The following ELAC1 variants were observed in gnomAD, a reference collection of about 807,000 sequenced individuals.
ELAC1 encodes the protein elaC ribonuclease Z 1, also known as zinc phosphodiesterase ELAC protein 1.
A neutral mutation model predicts 25.8 loss-of-function variants in ELAC1; 19 were observed. The observed-to-expected ratio is 0.74, with a 90% CI of 0.51 to 1.08. ELAC1 has a LOEUF of 1.08. Ranked by LOEUF, ELAC1 falls within the 50% of genes least tolerant of loss-of-function variation. The pLI is 0.00. For synonymous variants in ELAC1, 148 were observed against 160.9 expected (o/e 0.92, Z 0.61); for missense variants, 403 against 434.6 (o/e 0.93, Z 0.65).
chr18:50,981,521 T>A (rs916620808), intron 2 of ELAC1, among the ~76,000 whole-genome samples: 4 of 152,206 alleles, frequency 2.6e-5, no homozygotes, highest in African/African-American at 9.6e-5. Context: ...TATTCCCCCA[T>A]AACTTCCTTG....
At chr18:50,980,465 T>C (rs1907914989) in intron 2 of ELAC1, among the ~76,000 whole-genome samples, 2 of 151,546 alleles carry the variant, frequency 1.3e-5, no homozygotes. Flanking sequence ...TCTATACGCT[T>C]AGAAAAAAAA....
chr18:50,981,781 A>C (rs562225164), intron 2 of ELAC1, among the ~76,000 whole-genome samples: 75 of 151,846 alleles, frequency 4.9e-4, no homozygotes, highest in African/African-American at 1.5e-3. Context: ...AAGGGCCCAG[A>C]AAGTCAGATA....
intron 2 of ELAC1, among the ~76,000 whole-genome samples, chr18:50,975,461 T>G (rs1907776884): frequency 6.6e-6 from 1 of 151,714 alleles, no homozygotes; most frequent in African/African-American, 2.4e-5. Flanking sequence ...TTAGTTTGTT[T>G]CTGTGTTCTT....
intron 1 of ELAC1, among the ~76,000 whole-genome samples, chr18:50,971,366 A>G (rs1252316951): frequency 2.0e-5 from 3 of 152,112 alleles, no homozygotes; most frequent in Non-Finnish European, 4.4e-5. Context: ...TTTGCCTGCC[A>G]GCTGATGTGT....
chr18:50,974,543 A>G lies in ELAC1; in HGVS notation c.139A>G (p.Lys47Glu). Residue 47 changes from lysine (K) to glutamate (E), a missense_variant, in exon 2 of 4, where the codon AAA (lysine) becomes GAA (glutamate). Coordinates refer to ENST00000269466, the MANE Select transcript of ELAC1 (RefSeq NM_018696.3). Reference sequence around the variant, plus strand: ...GGAGGGAACACAGACACAGCTTATGAAAAGCCAACTTAAAGCAGGTTAGTG... The same window carrying G: ...GGAGGGAACACAGACACAGCTTATGGAAAGCCAACTTAAAGCAGGTTAGTG... The part of the protein sequence containing the change: ...CGEGTQTQLM[K>E]SQLKAGRITK... 4 of 1,613,992 alleles carry G rather than the reference A, an allele frequency of 2.5e-6. No individual in the cohort carries two copies. Among genetic ancestry groups the G allele is most frequent in the Non-Finnish European group, 2.5e-6 (3 of 1,179,966 alleles).
chr18:50,977,984 A>G (rs1395515912), intron 2 of ELAC1, among the ~76,000 whole-genome samples: 2 of 152,230 alleles, frequency 1.3e-5, no homozygotes, highest in Admixed American at 6.5e-5. Flanking sequence ...TCTTTGCTAA[A>G]GCATAGCAAG....
intron 3 of ELAC1, 136 bp from the exon 4 acceptor site, chr18:50,986,483 T>G: frequency 4.2e-6 from 3 of 710,014 alleles, no homozygotes; most frequent in Non-Finnish European, 6.8e-6. Context: ...TAAATCCAGT[T>G]TTCCACAAGT....
intron 2 of ELAC1, among the ~76,000 whole-genome samples, chr18:50,983,390 C>A (rs1377424838): frequency 4.6e-5 from 7 of 151,838 alleles, no homozygotes; most frequent in Non-Finnish European, 8.8e-5. Context: ...GTCTCGAACT[C>A]CCGACCTCAG....
At chr18:50,971,912 G>GTGTA (rs1368489485) in intron 1 of ELAC1, among the ~76,000 whole-genome samples, 95 of 76,524 alleles carry the variant, frequency 1.2e-3, no homozygotes, top group Middle Eastern at 6.8e-3. Context: ...GTGTGTGTGT[G>GTGTA]TATATATATA....
intron 3 of ELAC1, 172 bp downstream of exon 3, chr18:50,984,735 C>G (rs1908055072): frequency 4.9e-6 from 3 of 606,990 alleles, no homozygotes; most frequent in Admixed American, 5.9e-5. Flanking sequence ...AGTTCAAGAC[C>G]AGCCTGGGCA....
chr18:50,978,890 G>A (rs1346255101), intron 2 of ELAC1, among the ~76,000 whole-genome samples: 2 of 152,156 alleles, frequency 1.3e-5, no homozygotes, highest in Non-Finnish European at 1.5e-5. Flanking sequence ...CATATGGTAG[G>A]TACAATTGAA....
intron 2 of ELAC1, among the ~76,000 whole-genome samples, chr18:50,978,107 C>G (rs1907842525): frequency 6.6e-6 from 1 of 152,216 alleles, no homozygotes; most frequent in African/African-American, 2.4e-5. Context: ...CCCATGTCTT[C>G]CTGTCTTCTG....
chr18:50,973,476 G>A (rs557650711), intron 1 of ELAC1, among the ~76,000 whole-genome samples: 4 of 152,292 alleles, frequency 2.6e-5, no homozygotes, highest in African/African-American at 9.6e-5. Flanking sequence ...CCAAGTCCTC[G>A]TGAGTCATGG....
intron 1 of ELAC1, among the ~76,000 whole-genome samples, chr18:50,970,883 A>G (rs1270572088): frequency 1.3e-5 from 2 of 151,816 alleles, no homozygotes; most frequent in African/African-American, 4.8e-5. Context: ...CCCACATCAG[A>G]CTTTCTCTGT....
intron 1 of ELAC1, among the ~76,000 whole-genome samples, chr18:50,970,154 C>T (rs1907613605): frequency 6.6e-6 from 1 of 152,032 alleles, no homozygotes; most frequent in Admixed American, 6.6e-5. Context: ...AGAGTCTTGC[C>T]ATGTTCCCCA....
intron 1 of ELAC1, chr18:50,969,084 T>C (rs557844761): frequency 2.6e-5 from 4 of 152,226 alleles, no homozygotes; most frequent in Non-Finnish European, 5.9e-5. Context: ...CCATTATCAG[T>C]GTACTTAGCA....
In ELAC1 at chr18:50,974,397, G is replaced by A; in HGVS notation, c.-8G>A. On this transcript the variant is annotated splice_region_variant and 5_prime_UTR_variant, in exon 2 of 4. Transcript: ENST00000269466. ...TCCCCAGATGATCTTTCTGTTGCAG[G>A]GTGGAAGATGTCTATGGATGTGACA... 6.6e-7 allele frequency: 1 copy of A among 1,516,572 alleles called. No homozygotes were observed. Among genetic ancestry groups the A allele is most frequent in the Non-Finnish European group, 8.8e-7 (1 of 1,134,602 alleles). 93.9% of individuals were successfully genotyped at this position (1,516,572 alleles called of 1,614,324 possible). A position where few individuals can be genotyped will look rare whatever the true frequency, so the allele number is the denominator to read the frequency against.
At chr18:50,982,397 A>T (rs555533569) in intron 2 of ELAC1, among the ~76,000 whole-genome samples, 5 of 152,322 alleles carry the variant, frequency 3.3e-5, no homozygotes, top group African/African-American at 1.2e-4. Flanking sequence ...CTTGGAGAAC[A>T]CTTGATGTTA....
At chr18:50,971,363 G>A (rs1394154405) in intron 1 of ELAC1, among the ~76,000 whole-genome samples, 1 of 152,128 alleles carries the variant, frequency 6.6e-6, no homozygotes, top group Non-Finnish European at 1.5e-5. Flanking sequence ...ATATTTGCCT[G>A]CCAGCTGATG....
Sources: gnomAD v4.1 joint callset for allele counts (sites outside exome capture counted in the v4.1 genomes callset) on GRCh38, gnomAD v4.1.1 for gene constraint, MANE v1.5 for transcripts, NCBI Gene and HGNC (gene_info 2026-07-23, HGNC 2026-07-21) for gene names.